Variants in LEKR1 observed in about 807,000 individuals in gnomAD.
The protein encoded by LEKR1 is protein LEKR1.
A neutral mutation model predicts 72.4 loss-of-function variants in LEKR1; 59 were observed. The ratio of observed to expected loss-of-function variants is 0.82; its 90% CI spans 0.66 to 1.01. The LOEUF (loss-of-function observed/expected upper bound fraction) is 1.01, where lower values mean the gene tolerates loss of function less well. LEKR1 is among the 50% of genes least tolerant of loss of function. The probability of loss-of-function intolerance (pLI) is 0.00; values close to 1 mark genes in which losing one functional copy is unlikely to be tolerated. For missense variants in LEKR1, 728 were observed against 759.2 expected (o/e 0.96, Z 0.48); for synonymous variants, 257 against 263.2 (o/e 0.98, Z 0.23).
chr3:157,017,986 G>A (rs1733511250), intron 10 of LEKR1, among the ~76,000 whole-genome samples: 1 of 146,328 alleles, frequency 6.8e-6, no homozygotes. Context: ...AGCTGGAGTA[G>A]CTATATTACT....
At chr3:156,982,966 G>A (rs1730362143) in intron 7 of LEKR1, among the ~76,000 whole-genome samples, 1 of 151,956 alleles carries the variant, frequency 6.6e-6, no homozygotes. Context: ...AGCCACTTAA[G>A]TGGCTCTATC....
At chr3:156,989,243 C>T (rs1461055267) in intron 7 of LEKR1, among the ~76,000 whole-genome samples, 1 of 152,192 alleles carries the variant, frequency 6.6e-6, no homozygotes, top group Non-Finnish European at 1.5e-5. Flanking sequence ...ATATTCCAAT[C>T]TATGGATGAA....
intron 10 of LEKR1, among the ~76,000 whole-genome samples, chr3:157,016,182 C>A (rs866494880): frequency 6.6e-6 from 1 of 151,902 alleles, no homozygotes; most frequent in Admixed American, 6.6e-5. Context: ...GAAATAATGA[C>A]GGAAAGTTTT....
At chr3:156,979,117 A>G in intron 6 of LEKR1, 77 bp from the exon 7 acceptor site, 4 of 639,856 alleles carry the variant, frequency 6.3e-6, no homozygotes, top group South Asian at 6.2e-5. Flanking sequence ...TAGCAACAAA[A>G]GAATATGGTT....
intron 9 of LEKR1, among the ~76,000 whole-genome samples, chr3:157,008,585 C>A (rs889902233): frequency 6.6e-6 from 1 of 152,148 alleles, no homozygotes; most frequent in African/African-American, 2.4e-5. Flanking sequence ...GAGAAAACCA[C>A]CAGCCTGCGT....
chr3:156,902,699 C>T (rs944678056), intron 3 of LEKR1, among the ~76,000 whole-genome samples: 12 of 128,408 alleles, frequency 9.3e-5, no homozygotes, highest in African/African-American at 4.8e-4. Flanking sequence ...TTTTTTCCTT[C>T]ACTTAAGGTG....
intron 3 of LEKR1, among the ~76,000 whole-genome samples, chr3:156,869,769 A>T (rs2108545947): frequency 6.6e-6 from 1 of 152,076 alleles, no homozygotes; most frequent in East Asian, 1.9e-4. Context: ...TCTTAGCTAT[A>T]AAGTCTCTGC....
At position 156,899,222 on chromosome 3, in the gene LEKR1, G is replaced by A. The variant is rs377268688; in HGVS notation, c.264-21353G>A. 4.1e-5 allele frequency among the ~76,000 whole-genome samples: 6 copies of A among 146,544 alleles called. No homozygotes were observed. The East Asian group carries it at 7.9e-4, about 19-fold the overall frequency. On this transcript the variant is annotated intron_variant, in intron 3 of 12. Transcript: ENST00000356539. ...TCACCTGTGGTTTTCACCATTCTGT[G>A]TTCCTAGCTCTGTCTATATACATAT...
intron 3 of LEKR1, among the ~76,000 whole-genome samples, chr3:156,879,307 T>G (rs1423867155): frequency 6.6e-6 from 1 of 152,160 alleles, no homozygotes; most frequent in Non-Finnish European, 1.5e-5. Context: ...AGGTTATTCT[T>G]GCTATGTCTT....
intron 5 of LEKR1, 136 bp from the exon 6 acceptor site, chr3:156,942,393 T>C: frequency 3.2e-6 from 1 of 312,192 alleles, no homozygotes; most frequent in South Asian, 2.6e-5. Flanking sequence ...AACTTTTTAG[T>C]TAGATGTCAT....
intron 6 of LEKR1, among the ~76,000 whole-genome samples, chr3:156,971,094 A>G (rs1351842086): frequency 1.3e-5 from 2 of 152,176 alleles, no homozygotes; most frequent in Non-Finnish European, 2.9e-5. Context: ...AAACTATACT[A>G]CAAGGCTACA....
chr3:156,875,832 A>C (rs1160746203), intron 3 of LEKR1, among the ~76,000 whole-genome samples: 5 of 151,944 alleles, frequency 3.3e-5, no homozygotes, highest in Non-Finnish European at 7.4e-5. Context: ...CGTCTCTACT[A>C]AAAATACAAA....
chr3:156,974,437 T>C (rs1317232759), intron 6 of LEKR1, among the ~76,000 whole-genome samples: 1 of 152,104 alleles, frequency 6.6e-6, no homozygotes, highest in Non-Finnish European at 1.5e-5. Flanking sequence ...AACATCTCAG[T>C]TTCACCCATA....
chr3:156,972,445 T>A (rs540344614), intron 6 of LEKR1, among the ~76,000 whole-genome samples: 7 of 152,216 alleles, frequency 4.6e-5, no homozygotes, highest in African/African-American at 1.7e-4. Context: ...TATACACATG[T>A]AACTAACCTG....
chr3:156,839,272 A>G (rs896306601), intron 2 of LEKR1, among the ~76,000 whole-genome samples: 4 of 152,242 alleles, frequency 2.6e-5, no homozygotes, highest in Admixed American at 6.5e-5. Flanking sequence ...GAGTCCATCA[A>G]TGCTTTGTCT....
intron 3 of LEKR1, among the ~76,000 whole-genome samples, chr3:156,902,287 A>G (rs988737089): frequency 6.6e-6 from 1 of 152,178 alleles, no homozygotes; most frequent in African/African-American, 2.4e-5. Flanking sequence ...TACCCTTAAT[A>G]TCACTTCATA....
intron 6 of LEKR1, among the ~76,000 whole-genome samples, chr3:156,961,209 T>TA (rs1728100849): frequency 6.6e-6 from 1 of 152,238 alleles, no homozygotes; most frequent in Non-Finnish European, 1.5e-5. Context: ...ACAAATACTT[T>TA]AAAAAATGAT....
chr3:156,837,506 G>A (rs416600), intron 2 of LEKR1, among the ~76,000 whole-genome samples: 4 of 152,162 alleles, frequency 2.6e-5, no homozygotes, highest in African/African-American at 9.6e-5. Flanking sequence ...TTTCAGGGAC[G>A]TGCAGCAAAG....
chr3:156,902,599 A>G (rs1722142483), intron 3 of LEKR1, among the ~76,000 whole-genome samples: 1 of 152,176 alleles, frequency 6.6e-6, no homozygotes, highest in Admixed American at 6.5e-5. Flanking sequence ...AGAAATTGTT[A>G]TACATTTCAT....
Sources: gnomAD v4.1 joint callset for allele counts (sites outside exome capture counted in the v4.1 genomes callset) on GRCh38, gnomAD v4.1.1 for gene constraint, MANE v1.5 for transcripts, NCBI Gene and HGNC (gene_info 2026-07-23, HGNC 2026-07-21) for gene names.